Variants in TONSL observed in about 807,000 individuals in gnomAD.
The protein encoded by TONSL is tonsoku like, DNA repair protein.
TONSL carries 112 observed loss-of-function variants against 147.1 expected under a neutral mutation model. The ratio of observed to expected loss-of-function variants is 0.76; its 90% CI spans 0.65 to 0.89. The LOEUF is 0.89. TONSL is among the 40% of genes least tolerant of loss of function. TONSL has a pLI of 0.00. For synonymous variants in TONSL, 868 were observed against 801.5 expected, an observed-to-expected ratio of 1.08 and a Z score of -1.40; for missense variants, 1,883 against 1,864.6, an observed-to-expected ratio of 1.01 and a Z score of -0.18.
chr8:144,439,802 C>A, intron 11 of TONSL: 2 of 546,702 alleles, frequency 3.7e-6, no homozygotes. Flanking sequence ...GACACTCACT[C>A]GACTCCCAAC....
In TONSL at chr8:144,436,504, G is replaced by A. The variant is rs553944399; in HGVS notation, c.2014+54C>T. The A allele has an allele frequency of 2.8e-4, 451 of 1,583,792 alleles. 4 individuals carry two copies. The South Asian group carries it at 4.5e-3, about 16-fold the overall frequency. On this transcript the variant is annotated intron_variant, in intron 16 of 25. Coordinates refer to ENST00000409379, the MANE Select transcript of TONSL (RefSeq NM_013432.5). ...GGAGCATCTCCCGAAATCAGGGCCC[G>A]GGGACTCTCAGCGTAGGCACAGCAA... is the stretch of plus-strand genomic sequence containing the variant.
At chr8:144,439,589 T>C (rs1325207130) in intron 11 of TONSL, among the ~76,000 whole-genome samples, 1 of 152,132 alleles carries the variant, frequency 6.6e-6, no homozygotes, top group Admixed American at 6.5e-5. Flanking sequence ...ATGGCTTCAG[T>C]CCAAGCCCCG....
At chr8:144,439,883 G>A (rs1021026724) in intron 11 of TONSL, 138 bp downstream of exon 11, 15 of 588,316 alleles carry the variant, frequency 2.5e-5, no homozygotes, top group African/African-American at 3.8e-5. Flanking sequence ...GTCCAGTTCC[G>A]GGAAAGCACT....
Position 144,440,112 on chromosome 8 carries a change from T to C in TONSL, c.1389A>G (p.Glu463=). 1.2e-6 allele frequency: 2 copies of C among 1,611,974 alleles called. No individual in the cohort carries two copies. Among genetic ancestry groups the C allele is most frequent in the East Asian group, 2.2e-5 (1 of 44,838 alleles). Residue 463 remains glutamate, a synonymous_variant, in exon 11 of 26, where the codon GAA becomes GAG. Transcript: ENST00000409379. The stretch of plus-strand genomic sequence containing the variant: ...CCGCCTCCTCCTCCTCATCTTCATC[T>C]TCAGCTACACTGAGCTCCCGTAGTC... ...ETRLRELSVA[E]DEDEEEEAEE... is the part of the protein sequence containing the mutation.
chr8:144,432,598 G>A, intron 22 of TONSL, 138 bp from the exon 23 acceptor site: 3 of 841,488 alleles, frequency 3.6e-6, no homozygotes, highest in African/African-American at 1.8e-5. Flanking sequence ...CAAGTGCAGA[G>A]GCAAAGGCTC....
In TONSL at chr8:144,442,152, C is replaced by A; in HGVS notation, c.751-1G>T. 6.2e-7 allele frequency: 1 copy of A among 1,610,884 alleles called. No individual in the cohort carries two copies. The highest frequency in any genetic ancestry group is 8.5e-7 in the Non-Finnish European group (1 of 1,178,902). ...AAAAGTCTCCCAGGTCTTGGAGGAC[C>A]TGGAGAGCAAAGGACAGCAAAGGTT... is the stretch of plus-strand genomic sequence containing the variant. On this transcript the variant is annotated splice_acceptor_variant, in intron 6 of 25. Transcript: ENST00000409379. LOFTEE classifies it high-confidence loss of function.
At chr8:144,442,215 A>G (rs1823747013) in intron 6 of TONSL, 26 bp downstream of exon 6, 1 of 1,589,914 alleles carries the variant, frequency 6.3e-7, no homozygotes, top group Non-Finnish European at 8.6e-7. Flanking sequence ...CGAGAGCCTG[A>G]GCTCGGAGCC....
chr8:144,441,817 C>T, intron 7 of TONSL: 1 of 523,736 alleles, frequency 1.9e-6, no homozygotes, highest in Non-Finnish European at 3.4e-6. Flanking sequence ...TTTCATTGCC[C>T]CTGACACACT....
In TONSL at chr8:144,434,001, G is replaced by GC; in HGVS notation, c.3363dup (p.Leu1122AlafsTer62). ...ACCTGCAAGGTGGCTTGGCCTGGGA[G>GC]CCCCATGGCAAGCTGGCGCAGGCCT... On this transcript the variant is annotated frameshift_variant, in exon 21 of 26. Transcript: ENST00000409379. LOFTEE classifies it high-confidence loss of function. The GC allele has an allele frequency of 6.3e-7, 1 of 1,594,524 alleles. No homozygotes were observed. Among genetic ancestry groups the GC allele is most frequent in the Non-Finnish European group, 8.6e-7 (1 of 1,168,078 alleles).
At chr8:144,443,817 TC>T in intron 3 of TONSL, 64 bp downstream of exon 3, 1 of 1,530,622 alleles carries the variant, frequency 6.5e-7, no homozygotes. Flanking sequence ...AGACCAGGCC[TC>T]CCTCCTCAGA....
Position 144,442,054 on chromosome 8 carries a change from C to T in TONSL, c.848G>A (p.Cys283Tyr), listed in dbSNP as rs1432152447. 10 of 1,612,706 alleles carry T rather than the reference C, an allele frequency of 6.2e-6. No individual in the cohort carries two copies. Among genetic ancestry groups the T allele is most frequent in the East Asian group, 2.2e-5 (1 of 44,882 alleles). ...SQKPVQRAAICQNLQHVLAVV... is the reference protein window; with the variant it reads ...SQKPVQRAAIYQNLQHVLAVV... ...AGGCTCACCATGCTGGAGGTTCTGA[C>T]AGATGGCTGCCCTCTGCACAGGCTT... The change falls in exon 7 of 26, where the codon TGT becomes TAT. Residue 283 changes from cysteine to tyrosine, a missense_variant. By Grantham distance (194) the Cys-to-Tyr change is radical (BLOSUM62 -2). Coordinates refer to ENST00000409379, the MANE Select transcript of TONSL (RefSeq NM_013432.5).
intron 4 of TONSL, 65 bp downstream of exon 4, chr8:144,443,073 G>T: frequency 6.6e-7 from 1 of 1,507,174 alleles, no homozygotes; most frequent in Non-Finnish European, 8.9e-7. Context: ...GGCTGCGGGG[G>T]TGCTGGGCTG....
At chr8:144,435,449 C>T (rs1823403981) in intron 18 of TONSL, 25 bp downstream of exon 18, 5 of 1,518,398 alleles carry the variant, frequency 3.3e-6, no homozygotes, top group African/African-American at 1.4e-5. Context: ...AGGTGGGCTG[C>T]GGGGTAGGGC....
At chr8:144,440,941 C>T in intron 8 of TONSL, 25 bp downstream of exon 8, 1 of 1,613,002 alleles carries the variant, frequency 6.2e-7, no homozygotes, top group Admixed American at 1.7e-5. Context: ...TGGCCCTTCC[C>T]TCCCACCCAG....
At chr8:144,441,548 T>C (rs1455368123) in intron 7 of TONSL, 2 of 201,554 alleles carry the variant, frequency 9.9e-6, no homozygotes, top group Non-Finnish European at 2.1e-5. Context: ...GCCGAGATCA[T>C]GCCACTGCAC....
intron 15 of TONSL, 26 bp downstream of exon 15, chr8:144,436,731 C>T: frequency 1.2e-6 from 2 of 1,610,532 alleles, no homozygotes; most frequent in South Asian, 1.1e-5. Flanking sequence ...TAACCTCGCC[C>T]TTGCCCTCTG....
In TONSL at chr8:144,440,356, G is replaced by A. The variant is rs1319096060; in HGVS notation, c.1285C>T (p.Leu429=). 1 of 1,589,394 alleles carries A rather than the reference G, an allele frequency of 6.3e-7. No homozygotes were observed. Among genetic ancestry groups the A allele is most frequent in the South Asian group, 1.1e-5 (1 of 89,630 alleles). The stretch of plus-strand genomic sequence containing the variant: ...GGTGGGATGGGCTCTCGCACCTGCA[G>A]CTGGGGACGCTGGGCCTGCTGGGCA... ...SCAQQAQRPQ[L]QRQVLQHLHT... Residue 429 remains leucine (L), a synonymous_variant, in exon 10 of 26, where the codon CTG becomes TTG. Coordinates refer to ENST00000409379, the MANE Select transcript of TONSL (RefSeq NM_013432.5).
rs782567156 is a variant in TONSL, at chr8:144,433,409, TA to T, written c.3559+178del. 259 of 650,238 alleles carry T rather than the reference TA, an allele frequency of 4.0e-4. 1 individual carries two copies. Among genetic ancestry groups the T allele is most frequent in the Non-Finnish European group, 5.9e-4 (227 of 381,522 alleles). 40.3% of individuals were successfully genotyped at this position (650,238 alleles called of 1,614,324 possible). A position where few individuals can be genotyped will look rare whatever the true frequency, so the allele number is the denominator to read the frequency against. ...TTTTTCTTAAGGGATGGGGTCTCAC[TA>T]TGTGGGCCAGGCTTTCCTGGAACTC... On this transcript the variant is annotated intron_variant, in intron 22 of 25. Transcript: ENST00000409379.
intron 21 of TONSL, 63 bp from the exon 22 acceptor site, chr8:144,433,822 G>A: frequency 6.7e-7 from 1 of 1,499,014 alleles, no homozygotes; most frequent in South Asian, 1.4e-5. Flanking sequence ...CCCCCTTGGG[G>A]CTTGGCTTGG....
Sources: allele counts gnomAD v4.1 joint callset (sites outside exome capture counted in the v4.1 genomes callset), GRCh38; gene constraint gnomAD v4.1.1; transcripts MANE v1.5; gene names NCBI Gene and HGNC (gene_info 2026-07-23, HGNC 2026-07-21).